Variants in MYO16 observed in about 807,000 individuals in gnomAD.
MYO16 encodes myosin XVI.
A neutral mutation model predicts 205.3 loss-of-function variants in MYO16; 94 were observed. That is an observed-to-expected ratio of 0.46 (90% CI 0.39 to 0.54). The LOEUF is 0.54. Among genes scored for constraint, MYO16 ranks in the 20% least tolerant of loss-of-function variants. The pLI, the probability that MYO16 is intolerant of heterozygous loss-of-function variation, is 0.00. For missense variants in MYO16, 2,315 were observed against 2,387.5 expected (o/e 0.97, Z 0.63); for synonymous variants, 988 against 954.0 (o/e 1.04, Z -0.66).
chr13:108,684,744 C>G (rs1413503309), intron 2 of MYO16, among the ~76,000 whole-genome samples: 2 of 152,028 alleles, frequency 1.3e-5, no homozygotes, highest in African/African-American at 4.8e-5. Flanking sequence ...AGCGAACATG[C>G]CTATGTAACG....
chr13:108,734,808 G>A (rs12428429), intron 4 of MYO16, among the ~76,000 whole-genome samples: 9,772 of 152,290 alleles, frequency 0.064, 1,197 homozygotes, highest in East Asian at 0.49. Context: ...GTCCCATGGT[G>A]TGGGCAGGGC....
intron 15 of MYO16, among the ~76,000 whole-genome samples, chr13:108,905,916 A>G (rs1880949928): frequency 6.6e-6 from 1 of 152,170 alleles, no homozygotes; most frequent in South Asian, 2.1e-4. Context: ...CAAAAGGCAG[A>G]TATTTGCTTG....
chr13:109,077,540 AC>A (rs1156554459), intron 27 of MYO16, among the ~76,000 whole-genome samples: 1 of 152,210 alleles, frequency 6.6e-6, no homozygotes, highest in African/African-American at 2.4e-5. Flanking sequence ...CTGGTGCTGT[AC>A]ACTCTCACGT....
intron 2 of MYO16, among the ~76,000 whole-genome samples, chr13:108,677,335 G>GTGTATATATATATATATGCA (rs1247551957): frequency 5.4e-4 from 47 of 87,478 alleles, no homozygotes; most frequent in African/African-American, 1.9e-3. Flanking sequence ...GTGTGTGTGT[G>GTGTATATATATATATATGCA]TATATATATA....
the MYO16 span, among the ~76,000 whole-genome samples, chr13:108,576,087 T>C: frequency 6.6e-5 from 10 of 152,122 alleles, no homozygotes; most frequent in Non-Finnish European, 1.5e-4. Flanking sequence ...GAGACCAGAT[T>C]TGAACACGTA....
intron 2 of MYO16, among the ~76,000 whole-genome samples, chr13:108,685,337 A>G (rs1050991375): frequency 1.3e-5 from 2 of 152,090 alleles, no homozygotes; most frequent in Admixed American, 1.3e-4. Flanking sequence ...CCCAATTTGT[A>G]GCTGGTTGGT....
chr13:108,781,133 G>A lies in MYO16; in HGVS notation c.508-4502G>A, dbSNP rs376814594. On this transcript the variant is annotated intron_variant, in intron 4 of 34. Coordinates refer to ENST00000457511, the MANE Select transcript of MYO16 (RefSeq NM_001198950.3). ...ACTATCACCTGTGCCCAGGTGTTTCGCATATATAGTATTTCACTGGGAACA... is the reference window on the plus strand; with the variant it reads ...ACTATCACCTGTGCCCAGGTGTTTCACATATATAGTATTTCACTGGGAACA... Among the ~76,000 whole-genome samples the A allele has an allele frequency of 3.5e-4, 54 of 152,270 alleles. No homozygotes were observed. In the South Asian group the frequency reaches 9.5e-3, roughly 27 times the overall value.
intron 27 of MYO16, among the ~76,000 whole-genome samples, chr13:109,058,075 T>C (rs918025957): frequency 6.6e-6 from 1 of 152,126 alleles, no homozygotes; most frequent in Non-Finnish European, 1.5e-5. Flanking sequence ...CAAGTTCAGA[T>C]TCAGTAGGTC....
chr13:108,679,720 A>ATAAT (rs1555338193), intron 2 of MYO16, among the ~76,000 whole-genome samples: 1 of 148,954 alleles, frequency 6.7e-6, no homozygotes, highest in South Asian at 2.1e-4. Context: ...GCAAAAAAAA[A>ATAAT]AATAATAATA....
chr13:108,879,546 G>A (rs143600249), intron 12 of MYO16, among the ~76,000 whole-genome samples: 35 of 152,188 alleles, frequency 2.3e-4, no homozygotes, highest in Middle Eastern at 6.8e-3. Context: ...AGTGTGTGAT[G>A]TTCCCCACCC....
the MYO16 span, among the ~76,000 whole-genome samples, chr13:108,584,473 G>A: frequency 1.3e-5 from 2 of 151,840 alleles, no homozygotes; most frequent in African/African-American, 2.4e-5. Flanking sequence ...TCTTTGTGTT[G>A]GGAAACTTCC....
chr13:108,668,540 A>G (rs183652271), intron 2 of MYO16, among the ~76,000 whole-genome samples: 1 of 152,216 alleles, frequency 6.6e-6, no homozygotes, highest in African/African-American at 2.4e-5. Context: ...ACAAGGTGTC[A>G]TCAGCACTGG....
At chr13:108,847,121 G>A (rs1877563354) in intron 10 of MYO16, among the ~76,000 whole-genome samples, 1 of 152,120 alleles carries the variant, frequency 6.6e-6, no homozygotes, top group Non-Finnish European at 1.5e-5. Flanking sequence ...CTTTTTAAGT[G>A]GTAATTTAAT....
intron 9 of MYO16, among the ~76,000 whole-genome samples, chr13:108,841,312 G>A (rs1329410843): frequency 6.6e-6 from 1 of 152,212 alleles, no homozygotes; most frequent in African/African-American, 2.4e-5. Context: ...CTAAATGAAA[G>A]TGAAAGTCAT....
At chr13:109,204,685 A>G (rs899166211) in intron 34 of MYO16, among the ~76,000 whole-genome samples, 17 of 152,218 alleles carry the variant, frequency 1.1e-4, no homozygotes, top group African/African-American at 4.1e-4. Context: ...AAGAAATTAT[A>G]GATGATGCGA....
chr13:109,102,067 T>A (rs372446612), intron 28 of MYO16: 2 of 152,146 alleles, frequency 1.3e-5, no homozygotes, highest in Non-Finnish European at 2.9e-5. Flanking sequence ...TGCCACCCAA[T>A]CTTTTTCTTT....
intron 23 of MYO16, among the ~76,000 whole-genome samples, chr13:109,020,882 C>T (rs1199273238): frequency 2.0e-5 from 3 of 152,114 alleles, no homozygotes; most frequent in Non-Finnish European, 2.9e-5. Context: ...CAAAGATGAA[C>T]GAAGCCTATT....
In MYO16 at chr13:108,865,648, G is replaced by T. The variant is rs370434252; in HGVS notation, c.1360-529G>T. Among the ~76,000 whole-genome samples, 54 of 151,864 alleles carry T rather than the reference G, an allele frequency of 3.6e-4. 1 individual carries two copies. The South Asian group carries it at 1.0e-2, about 28-fold the overall frequency. ...ACCTTTACAACTGATGTTGTTGCTG[G>T]TGTTTGGGTTTAAATCTATCATTTT... On this transcript the variant is annotated intron_variant, in intron 11 of 34. Transcript: ENST00000457511.
the MYO16 span, among the ~76,000 whole-genome samples, chr13:108,542,649 T>C: frequency 6.6e-6 from 1 of 152,128 alleles, no homozygotes; most frequent in Non-Finnish European, 1.5e-5. Flanking sequence ...ATAAATTCAC[T>C]GGCATTTATA....
Sources: gnomAD v4.1 joint callset for allele counts (sites outside exome capture counted in the v4.1 genomes callset) on GRCh38, gnomAD v4.1.1 for gene constraint, MANE v1.5 for transcripts, NCBI Gene and HGNC (gene_info 2026-07-23, HGNC 2026-07-21) for gene names.